CTSK: variants seen among roughly 807,000 people sequenced by gnomAD.
CTSK encodes the protein cathepsin O.
In CTSK, 26 loss-of-function variants were observed where a neutral mutation model predicts 40.5. That is an observed-to-expected ratio of 0.64 (90% CI 0.47 to 0.89). The LOEUF is 0.89. CTSK is among the 40% of genes least tolerant of loss of function. The pLI is 0.00. For missense variants in CTSK, 292 were observed against 400.1 expected, an observed-to-expected ratio of 0.73 and a Z score of 2.30; for synonymous variants, 132 against 143.2, an observed-to-expected ratio of 0.92 and a Z score of 0.56.
intron 4 of CTSK, among the ~76,000 whole-genome samples, chr1:150,804,992 G>T (rs144496225): frequency 8.0e-4 from 122 of 151,860 alleles, no homozygotes; most frequent in African/African-American, 2.8e-3. Flanking sequence ...CGGGCAGATT[G>T]CTTGAGCCCA....
chr1:150,807,003 CTT>C (rs1491348475), intron 1 of CTSK, among the ~76,000 whole-genome samples, 197 bp from the exon 2 acceptor site: 8 of 148,092 alleles, frequency 5.4e-5, no homozygotes, highest in Non-Finnish European at 1.5e-5. Context: ...CCATTTCTCT[CTT>C]TCTCTCTCTC....
Position 150,804,080 on chromosome 1 carries a change from G to C in CTSK, c.559C>G (p.Gln187Glu), listed in dbSNP as rs1654042203. The C allele has an allele frequency of 7.4e-6, 12 of 1,614,082 alleles. No individual in the cohort carries two copies. Among genetic ancestry groups the C allele is most frequent in the African/African-American group, 1.3e-5 (1 of 75,000 alleles). Residue 187 changes from glutamine (Q) to glutamate (E), a missense_variant, in exon 5 of 8, where the codon CAA becomes GAA. Physicochemically the swap from Gln to Glu is conservative, Grantham distance 29. Transcript: ENST00000271651. ...CGGGYMTNAF[Q>E]YVQKNRGIDS... Reference sequence around the variant, plus strand: ...ATACCCCGGTTCTTCTGCACATATTGGAAGGCATTGGTCATGTAGCCCCCT... The same window carrying C: ...ATACCCCGGTTCTTCTGCACATATTCGAAGGCATTGGTCATGTAGCCCCCT...
chr1:150,807,076 T>TCACACACACACACACACACA (rs1176948763), intron 1 of CTSK, among the ~76,000 whole-genome samples: 1 of 36,414 alleles, frequency 2.7e-5, no homozygotes, highest in Non-Finnish European at 7.8e-5. Context: ...TGTCTCTCTC[T>TCACACACACACACACACACA]CTCTCACACA....
Position 150,796,698 on chromosome 1 carries a change from T to C in CTSK, c.*101A>G. The C allele has an allele frequency of 5.9e-6, 5 of 851,880 alleles. No individual in the cohort carries two copies. Among genetic ancestry groups the C allele is most frequent in the Non-Finnish European group, 1.0e-5 (5 of 484,630 alleles). 52.8% of individuals were successfully genotyped at this position (851,880 alleles called of 1,614,324 possible). ...AACAGACAATCTCAGTATCACCACATCTGCTTCAAAAATAGCACACCAACT... is the reference window on the plus strand; with the variant it reads ...AACAGACAATCTCAGTATCACCACACCTGCTTCAAAAATAGCACACCAACT... On this transcript the variant is annotated 3_prime_UTR_variant, in exon 8 of 8. Coordinates refer to ENST00000271651, the MANE Select transcript of CTSK (RefSeq NM_000396.4).
intron 1 of CTSK, among the ~76,000 whole-genome samples, chr1:150,807,057 TTCTC>T (rs368700789): frequency 1.7e-3 from 175 of 103,182 alleles, no homozygotes; most frequent in Middle Eastern, 0.015. Context: ...CTCTCTCTGT[TTCTC>T]TCTCTGTCTC....
At chr1:150,804,263 T>C in intron 4 of CTSK, 24 bp from the exon 5 acceptor site, 1 of 1,571,528 alleles carries the variant, frequency 6.4e-7, no homozygotes, top group East Asian at 2.2e-5. Flanking sequence ...AGAGAAACTA[T>C]CAATCTTTGC....
chr1:150,805,638 CAAAAAAAAAAAAAAAAA>C (rs79027279), intron 4 of CTSK, among the ~76,000 whole-genome samples: 1 of 54,990 alleles, frequency 1.8e-5, no homozygotes, highest in East Asian at 5.6e-4. Context: ...GACTCTATCT[CAAAAAAAAAAAAAAAAA>C]AAAAAAAAGG....
chr1:150,806,283 T>C, intron 2 of CTSK, 59 bp from the exon 3 acceptor site: 1 of 1,588,512 alleles, frequency 6.3e-7, no homozygotes, highest in Non-Finnish European at 8.6e-7. Flanking sequence ...TGTAATATTG[T>C]GAAGGGTTTT....
At chr1:150,807,373 A>G (rs1304793364) in intron 1 of CTSK, 1 of 471,176 alleles carries the variant, frequency 2.1e-6, no homozygotes, top group Non-Finnish European at 4.4e-6. Context: ...AAAATAGGAC[A>G]ATGTTTCCTG....
At chr1:150,799,462 C>T in intron 6 of CTSK, 82 bp downstream of exon 6, 1 of 1,547,594 alleles carries the variant, frequency 6.5e-7, no homozygotes. Flanking sequence ...AAACTAAGTA[C>T]TGAAAATACC....
intron 4 of CTSK, among the ~76,000 whole-genome samples, chr1:150,805,235 G>C (rs1198900884): frequency 1.4e-5 from 2 of 142,480 alleles, no homozygotes; most frequent in Non-Finnish European, 3.1e-5. Flanking sequence ...ATTTGGGGGG[G>C]GGGAAAGGAT....
chr1:150,799,813 G>A (rs1653951522), intron 5 of CTSK, 104 bp from the exon 6 acceptor site: 4 of 1,079,850 alleles, frequency 3.7e-6, no homozygotes, highest in Non-Finnish European at 5.7e-6. Context: ...TGAACTAACA[G>A]AGGCAGCAGT....
Position 150,804,038 on chromosome 1 carries a change from A to C in CTSK, c.601T>G (p.Tyr201Asp). Residue 201 changes from tyrosine (Y) to aspartate (D), a missense_variant, in exon 5 of 8, where the codon TAC becomes GAC. Transcript: ENST00000271651. ...KNRGIDSEDA[Y>D]PYVGQEESCM... ...AATCTCACCTGTCCCACATATGGGT[A>C]GGCATCTTCAGAGTCAATACCCCGG... 1 of 1,614,134 alleles carries C rather than the reference A, an allele frequency of 6.2e-7. No individual in the cohort carries two copies. The highest frequency in any genetic ancestry group is 8.5e-7 in the Non-Finnish European group (1 of 1,179,956).
Position 150,806,762 on chromosome 1 carries a change from G to A in CTSK, c.44C>T (p.Ala15Val). ...KVLLLPVVSF[A>V]LYPEEILDTH... ...GTCCAGTATCTCCTCAGGGTACAGA[G>A]CAAAGCTCACCACAGGTAGCAGCAG... The change falls in exon 2 of 8, where the codon GCT (alanine) becomes GTT (valine). Residue 15 changes from alanine (A) to valine (V), a missense_variant. Coordinates refer to ENST00000271651, the MANE Select transcript of CTSK (RefSeq NM_000396.4). 1 of 1,613,992 alleles carries A rather than the reference G, an allele frequency of 6.2e-7. No individual in the cohort carries two copies. Among genetic ancestry groups the A allele is most frequent in the Non-Finnish European group, 8.5e-7 (1 of 1,180,008 alleles).
rs773116784 is a variant in CTSK, at chr1:150,796,834, C to A, written c.955G>T (p.Gly319Cys). The change falls in exon 8 of 8, where the codon GGC becomes TGC. Residue 319 changes from glycine (G) to cysteine (C), a missense_variant. Gly to Cys is a radical substitution (Grantham distance 159, BLOSUM62 -3). Transcript: ENST00000271651. Reference sequence around the variant, plus strand: ...GGGAAGCTGGCCAGGTTGGCAATGCCACAGGCGTTGTTCTTATTTCGAGCC... The same window carrying A: ...GGGAAGCTGGCCAGGTTGGCAATGCAACAGGCGTTGTTCTTATTTCGAGCC... ...LMARNKNNAC[G>C]IANLASFPKM is the part of the protein sequence containing the mutation. 4 of 1,614,142 alleles carry A rather than the reference C, an allele frequency of 2.5e-6. No homozygotes were observed. Among genetic ancestry groups the A allele is most frequent in the Admixed American group, 3.3e-5 (2 of 60,020 alleles).
rs1038597004 is a variant in CTSK at position 150,796,464 on chromosome 1, A to T, written c.*335T>A. 26 of 435,182 alleles carry T rather than the reference A, an allele frequency of 6.0e-5. No individual in the cohort carries two copies. Among genetic ancestry groups the T allele is most frequent in the Non-Finnish European group, 1.0e-4 (24 of 235,598 alleles). 27.0% of individuals were successfully genotyped at this position (435,182 alleles called of 1,614,324 possible). ...TTAAAGCTAACTAGTCCCGTGAATG[A>T]GAATCTAACCTATGTGAAAATCTCC... On this transcript the variant is annotated 3_prime_UTR_variant, in exon 8 of 8. Coordinates refer to ENST00000271651, the MANE Select transcript of CTSK (RefSeq NM_000396.4).
At chr1:150,801,807 G>A (rs1653994483) in intron 5 of CTSK, among the ~76,000 whole-genome samples, 1 of 151,740 alleles carries the variant, frequency 6.6e-6, no homozygotes, top group Admixed American at 6.6e-5. Context: ...CCAAAGTGCT[G>A]GGATTACAAG....
At chr1:150,797,437 T>C (rs181474564) in intron 7 of CTSK, among the ~76,000 whole-genome samples, 60 of 152,276 alleles carry the variant, frequency 3.9e-4, no homozygotes, top group Non-Finnish European at 2.1e-4. Flanking sequence ...TTGGGGAATA[T>C]TAATCTTGAA....
At chr1:150,807,005 T>TCTCTCTCTCTCTCTCTC (rs146635750) in intron 1 of CTSK, among the ~76,000 whole-genome samples, 199 bp from the exon 2 acceptor site, 105 of 139,050 alleles carry the variant, frequency 7.6e-4, no homozygotes, top group Non-Finnish European at 1.2e-3. Context: ...ATTTCTCTCT[T>TCTCTCTCTCTCTCTCTC]TCTCTCTCTC....
Sources: gnomAD v4.1 joint callset for allele counts (sites outside exome capture counted in the v4.1 genomes callset) on GRCh38, gnomAD v4.1.1 for gene constraint, MANE v1.5 for transcripts, NCBI Gene and HGNC (gene_info 2026-07-23, HGNC 2026-07-21) for gene names.